AEBP2: variants seen among roughly 807,000 people sequenced by gnomAD.
The protein encoded by AEBP2 is zinc finger protein AEBP2.
A neutral mutation model predicts 50.8 loss-of-function variants in AEBP2; 10 were observed. The ratio of observed to expected loss-of-function variants is 0.20; its 90% CI spans 0.12 to 0.33. AEBP2 has a LOEUF of 0.33. AEBP2 is among the 10% of genes least tolerant of loss of function. AEBP2 has a pLI of 1.00. For missense variants in AEBP2, 570 were observed against 688.0 expected, an observed-to-expected ratio of 0.83 and a Z score of 1.92; for synonymous variants, 296 against 261.3, an observed-to-expected ratio of 1.13 and a Z score of -1.28.
chr12:19,473,206 G>A (rs1211617366), intron 2 of AEBP2, 42 bp from the exon 3 acceptor site: 3 of 979,038 alleles, frequency 3.1e-6, no homozygotes, highest in Non-Finnish European at 4.2e-6. Flanking sequence ...CTCTTCTTGA[G>A]ATAAGTCATG....
At chr12:19,515,713 G>A (rs1464139007) in intron 7 of AEBP2, among the ~76,000 whole-genome samples, 1 of 152,088 alleles carries the variant, frequency 6.6e-6, no homozygotes, top group East Asian at 1.9e-4. Context: ...TATTCACCTG[G>A]AGATTTCCTG....
At chr12:19,413,377 G>GA in intron 1 of AEBP2, 1 of 1,045,116 alleles carries the variant, frequency 9.6e-7, no homozygotes. Context: ...CCTTTAAAAA[G>GA]TAAGCCAACA....
At chr12:19,433,508 G>A (rs1158604738) in intron 1 of AEBP2, among the ~76,000 whole-genome samples, 1 of 151,458 alleles carries the variant, frequency 6.6e-6, no homozygotes, top group African/African-American at 2.4e-5. Context: ...GGCCAGGCAC[G>A]GTGGTTCATG....
At chr12:19,463,106 A>T (rs1402579289) in intron 2 of AEBP2, among the ~76,000 whole-genome samples, 1 of 152,090 alleles carries the variant, frequency 6.6e-6, no homozygotes, top group African/African-American at 2.4e-5. Context: ...AACTGGGGAG[A>T]CTATTGGTAC....
At chr12:19,422,454 T>G (rs139114662) in intron 1 of AEBP2, among the ~76,000 whole-genome samples, 4,252 of 152,022 alleles carry the variant, frequency 0.028, 84 homozygotes, top group Non-Finnish European at 0.043. Flanking sequence ...TTTAAAAAAT[T>G]TATACCGGAA....
At chr12:19,472,512 T>A (rs1350658919) in intron 2 of AEBP2, among the ~76,000 whole-genome samples, 2 of 152,180 alleles carry the variant, frequency 1.3e-5, no homozygotes, top group East Asian at 3.8e-4. Flanking sequence ...GAACCTAGAA[T>A]GTGGATCTGT....
chr12:19,501,543 G>A (rs911873853), intron 5 of AEBP2, among the ~76,000 whole-genome samples: 2 of 151,600 alleles, frequency 1.3e-5, no homozygotes, highest in African/African-American at 4.8e-5. Flanking sequence ...AGGCTGAGGT[G>A]GGAGGATTGG....
chr12:19,501,238 G>A (rs1334142413), intron 5 of AEBP2, among the ~76,000 whole-genome samples: 1 of 151,826 alleles, frequency 6.6e-6, no homozygotes, highest in Non-Finnish European at 1.5e-5. Flanking sequence ...GGCTGAGGCA[G>A]GAGAATTGCT....
chr12:19,461,874 T>TA (rs1948385307), intron 1 of AEBP2, among the ~76,000 whole-genome samples: 1 of 152,182 alleles, frequency 6.6e-6, no homozygotes, highest in Admixed American at 6.6e-5. Context: ...TCTTTTTTTT[T>TA]ATGGCTAGAG....
chr12:19,440,715 G>GTGT (rs1947941024), intron 1 of AEBP2: 2 of 1,533,512 alleles, frequency 1.3e-6, no homozygotes, highest in East Asian at 4.9e-5. Flanking sequence ...ATGTACACAC[G>GTGT]TCGGTACTCA....
intron 1 of AEBP2, among the ~76,000 whole-genome samples, chr12:19,420,347 T>TA (rs2095744985): frequency 6.9e-6 from 1 of 144,574 alleles, no homozygotes; most frequent in African/African-American, 2.6e-5. Flanking sequence ...TTTTTTTTTT[T>TA]TTTTGAGACA....
intron 3 of AEBP2, among the ~76,000 whole-genome samples, chr12:19,480,137 C>T (rs542038398): frequency 6.6e-6 from 1 of 152,040 alleles, no homozygotes; most frequent in African/African-American, 2.4e-5. Flanking sequence ...GAGTCTCACT[C>T]TGTTGCCCAG....
chr12:19,516,258 G>T (rs1949316703), intron 7 of AEBP2, among the ~76,000 whole-genome samples: 1 of 152,124 alleles, frequency 6.6e-6, no homozygotes, highest in African/African-American at 2.4e-5. Context: ...ATTGAGTGTT[G>T]TTGATTTATT....
rs1323933668 is a variant in AEBP2, at chr12:19,518,414, T to C, written c.*297T>C. ...TTAGTAGAACAGCTTCTTAAAGGCTTTGCATGCTTGCTGCTTTAAGCTGCT... is the reference window on the plus strand; with the variant it reads ...TTAGTAGAACAGCTTCTTAAAGGCTCTGCATGCTTGCTGCTTTAAGCTGCT... On this transcript the variant is annotated 3_prime_UTR_variant, in exon 8 of 8. Coordinates refer to ENST00000266508, the MANE Select transcript of AEBP2 (RefSeq NM_153207.5). The C allele has an allele frequency of 6.5e-6, 8 of 1,232,632 alleles. No homozygotes were observed. The highest frequency in any genetic ancestry group is 8.1e-6 in the Non-Finnish European group (8 of 986,062). 76.4% of individuals were successfully genotyped at this position (1,232,632 alleles called of 1,614,324 possible).
chr12:19,437,948 T>C (rs1323769411), upstream of AEBP2, among the ~76,000 whole-genome samples: 3 of 152,186 alleles, frequency 2.0e-5, no homozygotes, highest in African/African-American at 4.8e-5. Flanking sequence ...CTATCCTCAT[T>C]TTCCTTGAGT....
rs1462362399 is a variant in AEBP2, at chr12:19,520,001, C to T, written c.*1884C>T. On this transcript the variant is annotated 3_prime_UTR_variant, in exon 8 of 8. Transcript: ENST00000266508. ...TTTGTTGTTTTCTTTTGCTTAAGCA[C>T]TTCATCAATTGCTTTATTCTGTATC... is the stretch of plus-strand genomic sequence containing the variant. 1.3e-5 allele frequency: 2 copies of T among 152,482 alleles called. No homozygotes were observed. The highest frequency in any genetic ancestry group is 2.9e-5 in the Non-Finnish European group (2 of 67,950). 9.4% of individuals were successfully genotyped at this position (152,482 alleles called of 1,614,324 possible).
At chr12:19,452,634 C>T (rs984425893) in intron 1 of AEBP2, among the ~76,000 whole-genome samples, 10 of 152,006 alleles carry the variant, frequency 6.6e-5, no homozygotes, top group African/African-American at 1.9e-4. Context: ...TGAATGGAGA[C>T]GAGAAATGGT....
Position 19,518,372 on chromosome 12 carries a change from A to C in AEBP2, c.*255A>C. On this transcript the variant is annotated 3_prime_UTR_variant, in exon 8 of 8. Coordinates refer to ENST00000266508, the MANE Select transcript of AEBP2 (RefSeq NM_153207.5). ...GAATGGTACTGTGGGAGACTGAGCA[A>C]ACACTCTTTTGGCAACTTAGTAGAA... 8.1e-7 allele frequency: 1 copy of C among 1,232,240 alleles called. No homozygotes were observed. Among genetic ancestry groups the C allele is most frequent in the South Asian group, 3.1e-5 (1 of 32,144 alleles). 76.3% of individuals were successfully genotyped at this position (1,232,240 alleles called of 1,614,324 possible). A position where few individuals can be genotyped will look rare whatever the true frequency, so the allele number is the denominator to read the frequency against.
intron 1 of AEBP2, among the ~76,000 whole-genome samples, chr12:19,442,175 G>A (rs762716525): frequency 6.6e-6 from 1 of 152,162 alleles, no homozygotes; most frequent in Non-Finnish European, 1.5e-5. Context: ...TTGGGAGGCC[G>A]AGGTGGGCGG....
Sources: gnomAD v4.1 joint callset for allele counts (sites outside exome capture counted in the v4.1 genomes callset) on GRCh38, gnomAD v4.1.1 for gene constraint, MANE v1.5 for transcripts, NCBI Gene and HGNC (gene_info 2026-07-23, HGNC 2026-07-21) for gene names.